Variants in EDAR observed in about 807,000 individuals in gnomAD.
The protein encoded by EDAR is ectodysplasin A receptor, also known as tumor necrosis factor receptor superfamily member EDAR.
A neutral mutation model predicts 51.3 loss-of-function variants in EDAR; 38 were observed. That is an observed-to-expected ratio of 0.74 (90% confidence interval 0.57 to 0.97). The LOEUF is 0.97. EDAR is among the 50% of genes least tolerant of loss of function. The pLI is 0.00. For synonymous variants in EDAR, 227 were observed against 242.1 expected (o/e 0.94, Z 0.58); for missense variants, 528 against 595.0 (o/e 0.89, Z 1.17).
chr2:108,902,122 C>T (rs1293587565), intron 11 of EDAR, among the ~76,000 whole-genome samples: 1 of 151,924 alleles, frequency 6.6e-6, no homozygotes, highest in Non-Finnish European at 1.5e-5. Flanking sequence ...CATGTAATCC[C>T]AGCTACCCAG....
chr2:108,910,617 G>A, intron 8 of EDAR, 85 bp from the exon 9 acceptor site: 1 of 1,407,842 alleles, frequency 7.1e-7, no homozygotes, highest in Non-Finnish European at 1.0e-6. Flanking sequence ...TCTTCCTGTT[G>A]GGCAGAGCTG....
At chr2:108,985,000 C>T (rs1315583881) in intron 1 of EDAR, among the ~76,000 whole-genome samples, 3 of 152,202 alleles carry the variant, frequency 2.0e-5, no homozygotes, top group East Asian at 1.9e-4. Flanking sequence ...ATCTGAGAGT[C>T]GTCAAAACAG....
intron 1 of EDAR, among the ~76,000 whole-genome samples, chr2:108,963,153 C>T (rs902414548): frequency 3.9e-5 from 6 of 152,184 alleles, no homozygotes; most frequent in Non-Finnish European, 8.8e-5. Flanking sequence ...ACTGTGTGCA[C>T]GAGTCCAACA....
intron 1 of EDAR, among the ~76,000 whole-genome samples, chr2:108,947,373 C>T (rs185225848): frequency 1.6e-4 from 24 of 152,252 alleles, no homozygotes; most frequent in African/African-American, 4.1e-4. Flanking sequence ...CTACCATTCT[C>T]GGGTCTGGAA....
At chr2:108,950,995 T>C (rs972355418) in intron 1 of EDAR, among the ~76,000 whole-genome samples, 1 of 152,228 alleles carries the variant, frequency 6.6e-6, no homozygotes, top group Non-Finnish European at 1.5e-5. Flanking sequence ...TGCCATCCAT[T>C]GTCCAGCATC....
intron 5 of EDAR, among the ~76,000 whole-genome samples, chr2:108,917,003 GGCCTCTTCCCTGC>G (rs1395974962): frequency 6.6e-6 from 1 of 152,176 alleles, no homozygotes; most frequent in Non-Finnish European, 1.5e-5. Context: ...CCTGACAATG[GGCCTCTTCCCTGC>G]GCTCGGAGCT....
intron 5 of EDAR, among the ~76,000 whole-genome samples, chr2:108,913,218 G>C (rs950902857): frequency 2.0e-5 from 3 of 151,964 alleles, no homozygotes. Context: ...CAAAGTGCTG[G>C]GATTACAGGC....
intron 1 of EDAR, among the ~76,000 whole-genome samples, chr2:108,979,278 G>A (rs1257108582): frequency 1.3e-5 from 2 of 152,144 alleles, no homozygotes; most frequent in African/African-American, 4.8e-5. Flanking sequence ...TCATCTGGTT[G>A]GAGAAGTTTA....
intron 5 of EDAR, among the ~76,000 whole-genome samples, chr2:108,922,494 CA>C (rs1697162161): frequency 6.6e-6 from 1 of 152,196 alleles, no homozygotes; most frequent in African/African-American, 2.4e-5. Context: ...CTGGCTTGAC[CA>C]AAAGGAGAGA....
intron 3 of EDAR, 54 bp from the exon 4 acceptor site, chr2:108,929,433 C>A (rs1003878684): frequency 6.4e-7 from 1 of 1,573,422 alleles, no homozygotes; most frequent in Non-Finnish European, 8.7e-7. Flanking sequence ...CCAAACCATA[C>A]GGACTCGGCC....
In EDAR at chr2:108,896,860, G is replaced by T; in HGVS notation, c.*47C>A. On this transcript the variant is annotated 3_prime_UTR_variant, in exon 12 of 12. Coordinates refer to ENST00000258443, the MANE Select transcript of EDAR (RefSeq NM_022336.4). ...CACCACTCACAGCTCCAGAGCCCTC[G>T]TTGGCTCCTTGGCTTGTCCTGGGAG... 1 of 1,574,006 alleles carries T rather than the reference G, an allele frequency of 6.4e-7. No individual in the cohort carries two copies. Among genetic ancestry groups the T allele is most frequent in the Non-Finnish European group, 8.7e-7 (1 of 1,156,054 alleles).
intron 10 of EDAR, 95 bp from the exon 11 acceptor site, chr2:108,906,463 G>A: frequency 3.1e-6 from 4 of 1,297,460 alleles, no homozygotes; most frequent in Non-Finnish European, 4.4e-6. Context: ...CAGCAGCTAC[G>A]CCCAACACCA....
At chr2:108,955,763 A>G (rs758027648) in intron 1 of EDAR, among the ~76,000 whole-genome samples, 26 of 152,186 alleles carry the variant, frequency 1.7e-4, no homozygotes, top group Non-Finnish European at 2.8e-4. Flanking sequence ...GCGGTGGCTC[A>G]TGCCTGTAAT....
intron 11 of EDAR, among the ~76,000 whole-genome samples, chr2:108,905,113 G>T (rs1417376646): frequency 1.3e-5 from 2 of 152,182 alleles, no homozygotes; most frequent in Non-Finnish European, 2.9e-5. Context: ...TTACATCAGG[G>T]TGTTTGGGCA....
chr2:108,937,386 A>T (rs1453415555), intron 1 of EDAR, among the ~76,000 whole-genome samples: 1 of 152,088 alleles, frequency 6.6e-6, no homozygotes, highest in Non-Finnish European at 1.5e-5. Context: ...GTGTGCATAC[A>T]CGTGAGTGTA....
At chr2:108,978,514 G>A (rs1307027960) in intron 1 of EDAR, among the ~76,000 whole-genome samples, 4 of 152,172 alleles carry the variant, frequency 2.6e-5, no homozygotes, top group Admixed American at 2.0e-4. Flanking sequence ...AGGGAGCCAC[G>A]GGCTTAGGGA....
chr2:108,924,481 C>G (rs1369671097), intron 4 of EDAR, among the ~76,000 whole-genome samples: 2 of 152,218 alleles, frequency 1.3e-5, no homozygotes, highest in African/African-American at 2.4e-5. Flanking sequence ...TGAGCGGTGC[C>G]AACACTTTCC....
intron 10 of EDAR, among the ~76,000 whole-genome samples, chr2:108,906,711 C>T (rs551089612): frequency 1.4e-4 from 21 of 152,324 alleles, no homozygotes; most frequent in African/African-American, 4.8e-4. Context: ...CAGAGCCGTG[C>T]GGGGCTCCCA....
chr2:108,913,349 A>G lies in EDAR; in HGVS notation c.443-585T>C, dbSNP rs576508984. ...CAAGCCTCACCAACTCAATTTTCCT[A>G]TGCGTGGAGACAAAGTATATGAAAT... On this transcript the variant is annotated intron_variant, in intron 5 of 11. Transcript: ENST00000258443. 7.6e-4 allele frequency among the ~76,000 whole-genome samples: 115 copies of G among 152,288 alleles called. 8 individuals carry two copies. Among genetic ancestry groups the G allele is most frequent in the Non-Finnish European group, 3.5e-4 (24 of 68,020 alleles).
Sources: allele counts gnomAD v4.1 joint callset (sites outside exome capture counted in the v4.1 genomes callset), GRCh38; gene constraint gnomAD v4.1.1; transcripts MANE v1.5; gene names NCBI Gene and HGNC (gene_info 2026-07-23, HGNC 2026-07-21).